CSGALNACT1: variants seen among roughly 807,000 people sequenced by gnomAD.
CSGALNACT1 encodes the protein beta4GalNAcT-1.
A neutral mutation model predicts 51.0 loss-of-function variants in CSGALNACT1; 52 were observed. That is an observed-to-expected ratio of 1.02 (90% CI 0.82 to 1.29). CSGALNACT1 has a LOEUF of 1.29. Among genes scored for constraint, CSGALNACT1 ranks in the 50% most tolerant of loss-of-function variants. CSGALNACT1 has a pLI of 0.00. For synonymous variants in CSGALNACT1, 341 were observed against 254.4 expected (o/e 1.34, Z -3.24); for missense variants, 935 against 679.2 (o/e 1.38, Z -4.19).
In CSGALNACT1 at chr8:19,757,533, GGGGCCGCGC is replaced by G; in HGVS notation, c.-297+308_-297+316del. The stretch of plus-strand genomic sequence containing the variant: ...TGGCCGAAGCCTGTCACTCTCGGAA[GGGGCCGCGC>G]TCGGACACCAGGGGCGGTTTACGCG... On this transcript the variant is annotated intron_variant, in intron 1 of 1. Transcript: ENST00000517494. The surrounding 1 kb of genome is among the most constrained non-coding windows in gnomAD (Gnocchi z 4.0). 6.6e-6 allele frequency among the ~76,000 whole-genome samples: 1 copy of G among 152,132 alleles called. No homozygotes were observed. The highest frequency in any genetic ancestry group is 2.4e-5 in the African/African-American group (1 of 41,462).
intron 3 of CSGALNACT1, among the ~76,000 whole-genome samples, chr8:19,581,501 G>T (rs1319896869): frequency 6.6e-6 from 1 of 152,156 alleles, no homozygotes; most frequent in African/African-American, 2.4e-5. Context: ...CTGTCACTCG[G>T]GAGGCTTAGG....
chr8:19,505,983 T>C (rs755361453), exon 4 of CSGALNACT1: 1 of 855,144 alleles, frequency 1.2e-6, no homozygotes, highest in South Asian at 1.4e-5. Flanking sequence ...GAGTTCTGCC[T>C]CTTGGAGTTA....
intron 3 of CSGALNACT1, among the ~76,000 whole-genome samples, chr8:19,578,824 A>G (rs565109892): frequency 1.3e-5 from 2 of 152,142 alleles, no homozygotes; most frequent in East Asian, 3.9e-4. Flanking sequence ...CATATTGCCA[A>G]ATCCCAACAT....
chr8:19,516,406 GCTC>G (rs1207272599), intron 3 of CSGALNACT1, among the ~76,000 whole-genome samples: 1 of 151,466 alleles, frequency 6.6e-6, no homozygotes, highest in Non-Finnish European at 1.5e-5. Context: ...GCTGAGACCT[GCTC>G]CTCATTCTAC....
At chr8:19,533,999 T>C (rs1228339935) in intron 3 of CSGALNACT1, among the ~76,000 whole-genome samples, 1 of 152,218 alleles carries the variant, frequency 6.6e-6, no homozygotes, top group Non-Finnish European at 1.5e-5. Flanking sequence ...AAATCAATTG[T>C]TCTGAGGTAC....
At chr8:19,473,130 G>T (rs2068595487) in intron 4 of CSGALNACT1, among the ~76,000 whole-genome samples, 1 of 152,106 alleles carries the variant, frequency 6.6e-6, no homozygotes, top group Non-Finnish European at 1.5e-5. Flanking sequence ...GTTTTTTCAA[G>T]TCGCCACTGT....
chr8:19,711,654 A>C (rs1206192106), intron 1 of CSGALNACT1, among the ~76,000 whole-genome samples: 1 of 152,204 alleles, frequency 6.6e-6, no homozygotes, highest in East Asian at 1.9e-4. Flanking sequence ...AAAAAGCCTA[A>C]CACCTGGCAG....
At chr8:19,649,987 G>A (rs746092991) in intron 1 of CSGALNACT1, among the ~76,000 whole-genome samples, 22 of 152,150 alleles carry the variant, frequency 1.4e-4, no homozygotes, top group Non-Finnish European at 2.5e-4. Flanking sequence ...GGTCTGTGAG[G>A]TAGGGCCCTA....
intron 3 of CSGALNACT1, among the ~76,000 whole-genome samples, chr8:19,589,157 T>A (rs138973792): frequency 6.6e-6 from 1 of 152,312 alleles, no homozygotes; most frequent in African/African-American, 2.4e-5. Context: ...CTGATTTCTA[T>A]TCATTTGCAG....
chr8:19,668,865 T>C (rs546164684), intron 1 of CSGALNACT1, among the ~76,000 whole-genome samples: 1 of 152,292 alleles, frequency 6.6e-6, no homozygotes, highest in Non-Finnish European at 1.5e-5. Flanking sequence ...CCAATTTATT[T>C]AAAATGGGAA....
At chr8:19,457,274 C>A (rs2064304438) in intron 5 of CSGALNACT1, among the ~76,000 whole-genome samples, 1 of 152,046 alleles carries the variant, frequency 6.6e-6, no homozygotes, top group Non-Finnish European at 1.5e-5. Flanking sequence ...TCAACCACAC[C>A]CTTATACTGA....
At chr8:19,540,725 C>T (rs1054269676) in intron 3 of CSGALNACT1, among the ~76,000 whole-genome samples, 1 of 152,142 alleles carries the variant, frequency 6.6e-6, no homozygotes, top group African/African-American at 2.4e-5. Context: ...CAATGGGTCA[C>T]GCTGTCTTCT....
intron 8 of CSGALNACT1, 42 bp from the exon 8 acceptor site, chr8:19,408,736 G>A (rs760190256): frequency 8.2e-5 from 129 of 1,578,082 alleles, no homozygotes; most frequent in Non-Finnish European, 1.1e-4. Context: ...AGTTTAGGGT[G>A]GACAAAAATA....
At chr8:19,750,926 CAG>C (rs752013301) in intron 1 of CSGALNACT1, among the ~76,000 whole-genome samples, 9 of 152,108 alleles carry the variant, frequency 5.9e-5, no homozygotes, top group Non-Finnish European at 8.8e-5. Flanking sequence ...AGATGTTAAA[CAG>C]AGATGTTGCT....
intron 3 of CSGALNACT1, among the ~76,000 whole-genome samples, chr8:19,534,722 C>T (rs1428663155): frequency 2.6e-5 from 4 of 152,090 alleles, no homozygotes; most frequent in African/African-American, 4.8e-5. Context: ...CTCTCACACA[C>T]GTCTAAAATG....
At chr8:19,651,836 C>T (rs1315934502) in intron 1 of CSGALNACT1, among the ~76,000 whole-genome samples, 2 of 152,130 alleles carry the variant, frequency 1.3e-5, no homozygotes, top group African/African-American at 4.8e-5. Context: ...AATCTCCAAA[C>T]TGCTTTCCAC....
intron 8 of CSGALNACT1, among the ~76,000 whole-genome samples, chr8:19,417,107 G>A (rs868045806): frequency 3.3e-5 from 5 of 151,972 alleles, no homozygotes; most frequent in African/African-American, 1.2e-4. Flanking sequence ...TGCCCATCTC[G>A]GCCTCCCAAA....
chr8:19,648,990 A>G (rs1372616972), intron 1 of CSGALNACT1, among the ~76,000 whole-genome samples: 1 of 152,200 alleles, frequency 6.6e-6, no homozygotes, highest in African/African-American at 2.4e-5. Flanking sequence ...AAAGTATTTA[A>G]ATATATAATA....
At chr8:19,410,090 G>A (rs1563262164) in intron 8 of CSGALNACT1, among the ~76,000 whole-genome samples, 1 of 152,290 alleles carries the variant, frequency 6.6e-6, no homozygotes, top group East Asian at 1.9e-4. Context: ...ACAGGTAGAT[G>A]TCACTTCCAC....
Sources: gnomAD v4.1 joint callset for allele counts (sites outside exome capture counted in the v4.1 genomes callset) on GRCh38, gnomAD v4.1.1 for gene constraint, Gnocchi (gnomAD v3.1) non-coding constraint, MANE v1.5 for transcripts, NCBI Gene and HGNC (gene_info 2026-07-23, HGNC 2026-07-21) for gene names.